The following WDR70 variants were observed in gnomAD, a reference collection of about 807,000 sequenced individuals.
The protein encoded by WDR70 is WD repeat domain 70, also known as WD repeat-containing protein 70.
WDR70 carries 53 observed loss-of-function variants against 88.6 expected under a neutral mutation model. The ratio of observed to expected loss-of-function variants is 0.60; its 90% CI spans 0.48 to 0.75. The LOEUF (loss-of-function observed/expected upper bound fraction) is 0.75. Ranked by LOEUF, WDR70 falls within the 30% of genes least tolerant of loss-of-function variation. WDR70 has a pLI of 0.00. For synonymous variants in WDR70, 280 were observed against 270.0 expected, an observed-to-expected ratio of 1.04 and a Z score of -0.36; for missense variants, 610 against 823.2, an observed-to-expected ratio of 0.74 and a Z score of 3.17.
intron 10 of WDR70, among the ~76,000 whole-genome samples, chr5:37,658,427 T>C (rs902475382): frequency 6.6e-6 from 1 of 152,192 alleles, no homozygotes; most frequent in Non-Finnish European, 1.5e-5. Flanking sequence ...GGTTGTCTTT[T>C]CTAAACATAG....
intron 10 of WDR70, among the ~76,000 whole-genome samples, chr5:37,660,032 A>G (rs1410188079): frequency 1.3e-5 from 2 of 152,208 alleles, no homozygotes; most frequent in Non-Finnish European, 2.9e-5. Flanking sequence ...TTTTTGAACT[A>G]TGGAATATTT....
chr5:37,664,502 C>T (rs1745784858), intron 10 of WDR70, among the ~76,000 whole-genome samples: 1 of 152,226 alleles, frequency 6.6e-6, no homozygotes, highest in Non-Finnish European at 1.5e-5. Flanking sequence ...CTTTCAAAGA[C>T]TGTGATCCAG....
chr5:37,574,759 A>G (rs1220669963), intron 9 of WDR70, among the ~76,000 whole-genome samples: 1 of 152,154 alleles, frequency 6.6e-6, no homozygotes, highest in African/African-American at 2.4e-5. Flanking sequence ...CCTTATTTCT[A>G]TAAACAACAC....
intron 7 of WDR70, among the ~76,000 whole-genome samples, chr5:37,477,974 A>G (rs1245781105): frequency 6.6e-6 from 1 of 152,188 alleles, no homozygotes; most frequent in Non-Finnish European, 1.5e-5. Flanking sequence ...AGGCATTTAA[A>G]TGTATGCTAT....
At chr5:37,600,685 T>C (rs1303426167) in intron 9 of WDR70, among the ~76,000 whole-genome samples, 1 of 152,034 alleles carries the variant, frequency 6.6e-6, no homozygotes, top group Non-Finnish European at 1.5e-5. Context: ...ATTAAGAAAA[T>C]GCAAATAAAA....
intron 17 of WDR70, among the ~76,000 whole-genome samples, chr5:37,748,554 G>T (rs13158957): frequency 0.72 from 109,755 of 152,122 alleles, 44,769 homozygotes; most frequent in East Asian, 0.93. Context: ...CATAGGCATG[G>T]GCAAAGACTT....
rs369870757 is a variant in WDR70 at position 37,496,516 on chromosome 5, A to G, written c.840+16529A>G. ...ACTCACCGCGAGGGTCCATGGCTTC[A>G]TGTTTGAGGTCAGTGAGACCAAGAA... On this transcript the variant is annotated intron_variant, in intron 8 of 17. Coordinates refer to ENST00000265107, the MANE Select transcript of WDR70 (RefSeq NM_018034.4). Among the ~76,000 whole-genome samples the G allele has an allele frequency of 1.2e-3, 185 of 152,320 alleles. 1 individual carries two copies. The highest frequency in any genetic ancestry group is 4.3e-3 in the African/African-American group (179 of 41,576).
chr5:37,527,764 A>T (rs561230920), intron 9 of WDR70, among the ~76,000 whole-genome samples: 1 of 152,350 alleles, frequency 6.6e-6, no homozygotes, highest in East Asian at 1.9e-4. Context: ...AGAATCTAGA[A>T]AGAACTCAAA....
intron 4 of WDR70, among the ~76,000 whole-genome samples, chr5:37,393,688 T>C (rs1360058866): frequency 6.6e-6 from 1 of 152,134 alleles, no homozygotes; most frequent in Admixed American, 6.6e-5. Context: ...ATTGATTTTT[T>C]AATTTTTTTT....
intron 5 of WDR70, among the ~76,000 whole-genome samples, chr5:37,423,087 GA>G (rs370138767): frequency 1.4e-4 from 20 of 148,122 alleles, no homozygotes; most frequent in African/African-American, 4.3e-4. Flanking sequence ...GGATGGAAGT[GA>G]GGGGGGGCCT....
rs558886185 is a variant in WDR70, at chr5:37,543,134, A to G, written c.917+26544A>G. On this transcript the variant is annotated intron_variant, in intron 9 of 17. Transcript: ENST00000265107. ...AGCTCAGGCCATCCTAGACCATCTT[A>G]TATCCCGCCAACCCCCAAACTTGTC... Among the ~76,000 whole-genome samples, 12 of 152,268 alleles carry G rather than the reference A, an allele frequency of 7.9e-5. No homozygotes were observed. In the East Asian group the frequency reaches 2.1e-3, roughly 27 times the overall value.
chr5:37,436,926 A>G (rs1750483976), intron 5 of WDR70, among the ~76,000 whole-genome samples: 1 of 152,158 alleles, frequency 6.6e-6, no homozygotes, highest in African/African-American at 2.4e-5. Context: ...TAATAGACAT[A>G]TAATATTAGT....
chr5:37,427,673 G>A (rs1436130356), intron 5 of WDR70, among the ~76,000 whole-genome samples: 1 of 152,044 alleles, frequency 6.6e-6, no homozygotes, highest in Non-Finnish European at 1.5e-5. Flanking sequence ...GATCACCTGA[G>A]GTCAGGAGTT....
chr5:37,621,176 C>T (rs1744495347), intron 10 of WDR70, among the ~76,000 whole-genome samples: 1 of 152,126 alleles, frequency 6.6e-6, no homozygotes, highest in African/African-American at 2.4e-5. Context: ...AGTCCAATTT[C>T]TCGAGGTAAG....
intron 9 of WDR70, among the ~76,000 whole-genome samples, chr5:37,593,970 A>G (rs908501496): frequency 2.0e-5 from 3 of 152,170 alleles, no homozygotes; most frequent in African/African-American, 7.2e-5. Flanking sequence ...GTCTGTGTTC[A>G]TATCCTTCAC....
intron 5 of WDR70, among the ~76,000 whole-genome samples, chr5:37,412,885 C>T (rs1258476185): frequency 6.6e-6 from 1 of 152,090 alleles, no homozygotes; most frequent in Non-Finnish European, 1.5e-5. Flanking sequence ...CATGTAAACA[C>T]GCAACATAGG....
intron 9 of WDR70, among the ~76,000 whole-genome samples, chr5:37,588,140 A>G (rs961331972): frequency 6.6e-6 from 1 of 152,180 alleles, no homozygotes; most frequent in East Asian, 1.9e-4. Context: ...ACTAAGACAT[A>G]TATAATATAC....
chr5:37,427,257 C>T (rs912267927), intron 5 of WDR70, among the ~76,000 whole-genome samples: 3 of 152,060 alleles, frequency 2.0e-5, no homozygotes, highest in Middle Eastern at 3.4e-3. Context: ...GGCGTGGTGG[C>T]GGGCGCCTGT....
intron 7 of WDR70, among the ~76,000 whole-genome samples, chr5:37,451,632 G>A (rs1183805390): frequency 6.6e-6 from 1 of 151,744 alleles, no homozygotes; most frequent in Non-Finnish European, 1.5e-5. Context: ...TAAAAAATAT[G>A]TGACTTAAGT....
Sources: allele counts gnomAD v4.1 joint callset (sites outside exome capture counted in the v4.1 genomes callset), GRCh38; gene constraint gnomAD v4.1.1; transcripts MANE v1.5; gene names NCBI Gene and HGNC (gene_info 2026-07-23, HGNC 2026-07-21).